Variants in ABHD16B observed in about 807,000 individuals in gnomAD.
The protein encoded by ABHD16B is abhydrolase domain-containing protein 16B.
ABHD16B carries 14 observed loss-of-function variants against 10.5 expected under a neutral mutation model. The ratio of observed to expected loss-of-function variants is 1.33; its 90% CI spans 0.88 to 2.08. The LOEUF (loss-of-function observed/expected upper bound fraction) is 2.08. ABHD16B is among the 30% of genes most tolerant of loss of function. ABHD16B has a pLI of 0.00. For missense variants in ABHD16B, 763 were observed against 717.4 expected (o/e 1.06, Z -0.73); for synonymous variants, 374 against 337.9 (o/e 1.11, Z -1.17).
chr20:63,862,413 G>A lies in ABHD16B; in HGVS notation c.873G>A (p.Val291=), dbSNP rs780495844. 2 of 1,592,700 alleles carry A rather than the reference G, an allele frequency of 1.3e-6. No homozygotes were observed. Among genetic ancestry groups the A allele is most frequent in the East Asian group, 2.3e-5 (1 of 43,822 alleles). ...KVMPHSWKGL[V]VRTVREHFNL... Reference sequence around the variant, plus strand: ...TGCCCCACAGTTGGAAGGGGCTGGTGGTGCGCACCGTGCGCGAGCACTTCA... The same window carrying A: ...TGCCCCACAGTTGGAAGGGGCTGGTAGTGCGCACCGTGCGCGAGCACTTCA... Residue 291 remains valine (V), a synonymous_variant, in exon 1 of 1, where the codon GTG becomes GTA. Transcript: ENST00000369916. This position sits in a 1 kb window ranked among gnomAD's most constrained non-coding sequence, Gnocchi z 7.5.
chr20:63,862,697 G>A lies in ABHD16B; in HGVS notation c.1157G>A (p.Arg386His), dbSNP rs745412875. 3 of 1,533,702 alleles carry A rather than the reference G, an allele frequency of 2.0e-6. No homozygotes were observed. Among genetic ancestry groups the A allele is most frequent in the East Asian group, 2.5e-5 (1 of 40,786 alleles). The stretch of plus-strand genomic sequence containing the variant: ...GCGCAGGAGGCCGCCTTCTATGCAC[G>A]CTACCGCGTGGACGAGGACTGGTGC... ...SLAQEAAFYA[R>H]YRVDEDWCLA... Residue 386 changes from arginine to histidine, a missense_variant, in exon 1 of 1, where the codon CGC (arginine) becomes CAC (histidine). Physicochemically the swap from Arg to His is conservative, Grantham distance 29. Coordinates refer to ENST00000369916, the MANE Select transcript of ABHD16B (RefSeq NM_080622.4). This position sits in a 1 kb window ranked among gnomAD's most constrained non-coding sequence, Gnocchi z 7.5.
rs2052106164 is a variant in ABHD16B at position 63,862,850 on chromosome 20, G to A, written c.1310G>A (p.Arg437His). The change falls in exon 1 of 1, where the codon CGC (arginine) becomes CAC (histidine). Residue 437 changes from arginine (R) to histidine (H), a missense_variant. Coordinates refer to ENST00000369916, the MANE Select transcript of ABHD16B (RefSeq NM_080622.4). This position sits in a 1 kb window ranked among gnomAD's most constrained non-coding sequence, Gnocchi z 7.5. The stretch of plus-strand genomic sequence containing the variant: ...GGCCTGAGCTCGCGGCGGCGCCGGC[G>A]CCTCGCACTGTTCCTGGCTCGGAAG... ...GQGLSSRRRR[R>H]LALFLARKHL... The A allele has an allele frequency of 6.5e-7, 1 of 1,536,392 alleles. No individual in the cohort carries two copies. Among genetic ancestry groups the A allele is most frequent in the Non-Finnish European group, 8.7e-7 (1 of 1,145,610 alleles).
Position 63,861,752 on chromosome 20 carries a change from C to T in ABHD16B, c.212C>T (p.Ala71Val), listed in dbSNP as rs1471610173. 3.5e-6 allele frequency: 5 copies of T among 1,411,946 alleles called. No individual in the cohort carries two copies. The highest frequency in any genetic ancestry group is 6.0e-5 in the East Asian group (2 of 33,478). The allele number at this position is 1,411,946 out of a possible 1,614,324, so 87.5% of individuals were successfully genotyped here. The change falls in exon 1 of 1, where the codon GCG becomes GTG. Residue 71 changes from alanine to valine, a missense_variant. Ala to Val is a moderately conservative substitution (Grantham distance 64). Coordinates refer to ENST00000369916, the MANE Select transcript of ABHD16B (RefSeq NM_080622.4). This position sits in a 1 kb window ranked among gnomAD's most constrained non-coding sequence, Gnocchi z 5.4. ...CGGGACGAGACGCTGGGCGGGGATGCGCTGGGGCGGCCTCCACGTGGGGCG... is the reference window on the plus strand; with the variant it reads ...CGGGACGAGACGCTGGGCGGGGATGTGCTGGGGCGGCCTCCACGTGGGGCG... ...LLRDETLGGD[A>V]LGRPPRGARS...
Position 63,861,598 on chromosome 20 carries a change from G to A in ABHD16B, c.58G>A (p.Ala20Thr). 6.4e-7 allele frequency: 1 copy of A among 1,560,050 alleles called. No individual in the cohort carries two copies. Among genetic ancestry groups the A allele is most frequent in the Non-Finnish European group, 8.7e-7 (1 of 1,154,718 alleles). Residue 20 changes from alanine (A) to threonine (T), a missense_variant, in exon 1 of 1, where the codon GCC becomes ACC. Physicochemically the swap from Ala to Thr is moderately conservative, Grantham distance 58. Transcript: ENST00000369916. This position sits in a 1 kb window ranked among gnomAD's most constrained non-coding sequence, Gnocchi z 5.4. ...LVRVFKIYLT[A>T]SYTYPFRGWP... ...GCGCGTGTTCAAGATCTACCTGACC[G>A]CCAGCTACACCTACCCATTCCGCGG... is the stretch of plus-strand genomic sequence containing the variant.
chr20:63,862,119 C>G lies in ABHD16B; in HGVS notation c.579C>G (p.Leu193=), dbSNP rs1600760359. Residue 193 remains leucine (L), a synonymous_variant, in exon 1 of 1, where the codon CTC becomes CTG. Transcript: ENST00000369916. The surrounding 1 kb of genome is among the most constrained non-coding windows in gnomAD (Gnocchi z 7.5). ...FYEMGCLSAP[L]EAGYSVLGWN... ...AGATGGGCTGTCTGTCTGCACCGCT[C>G]GAGGCCGGCTACTCCGTGCTGGGCT... The G allele has an allele frequency of 6.2e-7, 1 of 1,611,828 alleles. No homozygotes were observed. The highest frequency in any genetic ancestry group is 8.5e-7 in the Non-Finnish European group (1 of 1,179,676).
Position 63,862,631 on chromosome 20 carries a change from G to GC in ABHD16B, c.1093dup (p.Arg365ProfsTer97), listed in dbSNP as rs1308165343. The GC allele has an allele frequency of 6.5e-7, 1 of 1,541,400 alleles. No individual in the cohort carries two copies. The highest frequency in any genetic ancestry group is 2.4e-5 in the East Asian group (1 of 41,326). ...TACCCCGTCGTGATGGCGCGAGAGG[G>GC]CCGCGCCGTCGTCACCCGCTGGCTG... On this transcript the variant is annotated frameshift_variant, in exon 1 of 1. Transcript: ENST00000369916. LOFTEE classifies it low-confidence loss of function (END_TRUNC). The surrounding 1 kb of genome is among the most constrained non-coding windows in gnomAD (Gnocchi z 7.5).
chr20:63,862,254 C>A lies in ABHD16B; in HGVS notation c.714C>A (p.Pro238=). 1 of 1,612,010 alleles carries A rather than the reference C, an allele frequency of 6.2e-7. No homozygotes were observed. Among genetic ancestry groups the A allele is most frequent in the Non-Finnish European group, 8.5e-7 (1 of 1,179,700 alleles). Residue 238 remains proline, a synonymous_variant, in exon 1 of 1, where the codon CCC becomes CCA. Coordinates refer to ENST00000369916, the MANE Select transcript of ABHD16B (RefSeq NM_080622.4). The surrounding 1 kb of genome is among the most constrained non-coding windows in gnomAD (Gnocchi z 7.5). ...EYALHRLHFP[P]AHLVVYGWSV... is the part of the protein sequence containing the mutation. Reference sequence around the variant, plus strand: ...CACTGCACCGCCTGCACTTCCCGCCCGCGCACCTGGTGGTCTACGGCTGGT... The same window carrying A: ...CACTGCACCGCCTGCACTTCCCGCCAGCGCACCTGGTGGTCTACGGCTGGT...
At position 63,861,755 on chromosome 20, in the gene ABHD16B, TG is replaced by T. The variant is rs2146146593; in HGVS notation, c.219del (p.Arg74GlyfsTer45). ...GACGAGACGCTGGGCGGGGATGCGC[TG>T]GGGCGGCCTCCACGTGGGGCGCGCA... Reference protein sequence around the residue: ...LRDETLGGDALGRPPRGARSQ... With the variant: ...LRDETLGGDAXGRPPRGARSQ... On this transcript the variant is annotated frameshift_variant, in exon 1 of 1. Transcript: ENST00000369916. LOFTEE classifies it high-confidence loss of function. This position sits in a 1 kb window ranked among gnomAD's most constrained non-coding sequence, Gnocchi z 5.4. 7.1e-7 allele frequency: 1 copy of T among 1,411,846 alleles called. No individual in the cohort carries two copies. Among genetic ancestry groups the T allele is most frequent in the East Asian group, 3.0e-5 (1 of 33,500 alleles). 87.5% of individuals were successfully genotyped at this position (1,411,846 alleles called of 1,614,324 possible).
In ABHD16B at chr20:63,862,833, C is replaced by T; in HGVS notation, c.1293C>T (p.Ser431=). 6.5e-7 allele frequency: 1 copy of T among 1,535,156 alleles called. No homozygotes were observed. Among genetic ancestry groups the T allele is most frequent in the Non-Finnish European group, 8.7e-7 (1 of 1,145,372 alleles). Residue 431 remains serine (S), a synonymous_variant, in exon 1 of 1, where the codon AGC becomes AGT. Coordinates refer to ENST00000369916, the MANE Select transcript of ABHD16B (RefSeq NM_080622.4). This position sits in a 1 kb window ranked among gnomAD's most constrained non-coding sequence, Gnocchi z 7.5. ...AFPWLVGQGL[S]SRRRRRLALF... ...CATGGCTGGTGGGCCAGGGCCTGAG[C>T]TCGCGGCGGCGCCGGCGCCTCGCAC...
chr20:63,861,967 G>A lies in ABHD16B; in HGVS notation c.427G>A (p.Ala143Thr), dbSNP rs767559594. 2 of 1,599,344 alleles carry A rather than the reference G, an allele frequency of 1.3e-6. No individual in the cohort carries two copies. Among genetic ancestry groups the A allele is most frequent in the Non-Finnish European group, 1.7e-6 (2 of 1,178,596 alleles). The change falls in exon 1 of 1, where the codon GCC becomes ACC. Residue 143 changes from alanine to threonine, a missense_variant. Coordinates refer to ENST00000369916, the MANE Select transcript of ABHD16B (RefSeq NM_080622.4). This position sits in a 1 kb window ranked among gnomAD's most constrained non-coding sequence, Gnocchi z 5.4. ...RLVERYHGRR[A>T]KLVACDGNEI... ...CGTGGAGCGCTACCACGGCCGGCGC[G>A]CCAAGCTGGTGGCCTGTGACGGCAA...
rs777890914 is a variant in ABHD16B at position 63,862,153 on chromosome 20, C to A, written c.613C>A (p.Pro205Thr). The change falls in exon 1 of 1, where the codon CCC becomes ACC. Residue 205 changes from proline (P) to threonine (T), a missense_variant. Transcript: ENST00000369916. The surrounding 1 kb of genome is among the most constrained non-coding windows in gnomAD (Gnocchi z 7.5). ...CTACTCCGTGCTGGGCTGGAACCAC[C>A]CCGGCTTCGGCAGCAGCACTGGCGT... The part of the protein sequence containing the change: ...AGYSVLGWNH[P>T]GFGSSTGVPF... The A allele has an allele frequency of 1.2e-6, 2 of 1,611,516 alleles. No individual in the cohort carries two copies. Among genetic ancestry groups the A allele is most frequent in the Non-Finnish European group, 8.5e-7 (1 of 1,179,636 alleles).
chr20:63,862,353 C>A lies in ABHD16B; in HGVS notation c.813C>A (p.Thr271=). The part of the protein sequence containing the change: ...PELGALVLDA[T]FDDLVPLALK... ...TGGGTGCACTGGTGCTGGACGCCAC[C>A]TTCGACGACCTTGTGCCGCTGGCGC... The change falls in exon 1 of 1, where the codon ACC becomes ACA. Residue 271 remains threonine (T), a synonymous_variant. Transcript: ENST00000369916. The surrounding 1 kb of genome is among the most constrained non-coding windows in gnomAD (Gnocchi z 7.5). 3.1e-6 allele frequency: 5 copies of A among 1,611,840 alleles called. No homozygotes were observed. Among genetic ancestry groups the A allele is most frequent in the Non-Finnish European group, 3.4e-6 (4 of 1,179,548 alleles).
rs1600760420 is a variant in ABHD16B at position 63,862,163 on chromosome 20, G to A, written c.623G>A (p.Gly208Asp). 2 of 1,611,318 alleles carry A rather than the reference G, an allele frequency of 1.2e-6. No individual in the cohort carries two copies. The highest frequency in any genetic ancestry group is 1.1e-5 in the South Asian group (1 of 91,012). Residue 208 changes from glycine (G) to aspartate (D), a missense_variant, in exon 1 of 1, where the codon GGC becomes GAC. Coordinates refer to ENST00000369916, the MANE Select transcript of ABHD16B (RefSeq NM_080622.4). The surrounding 1 kb of genome is among the most constrained non-coding windows in gnomAD (Gnocchi z 7.5). Reference sequence around the variant, plus strand: ...CTGGGCTGGAACCACCCCGGCTTCGGCAGCAGCACTGGCGTGCCCTTCCCT... The same window carrying A: ...CTGGGCTGGAACCACCCCGGCTTCGACAGCAGCACTGGCGTGCCCTTCCCT... ...SVLGWNHPGF[G>D]SSTGVPFPQH...
chr20:63,862,854 C>T lies in ABHD16B; in HGVS notation c.1314C>T (p.Leu438=), dbSNP rs1407301772. The T allele has an allele frequency of 1.3e-6, 2 of 1,537,826 alleles. No homozygotes were observed. Among genetic ancestry groups the T allele is most frequent in the Non-Finnish European group, 1.7e-6 (2 of 1,146,228 alleles). Residue 438 remains leucine (L), a synonymous_variant, in exon 1 of 1, where the codon CTC becomes CTT. Transcript: ENST00000369916. The surrounding 1 kb of genome is among the most constrained non-coding windows in gnomAD (Gnocchi z 7.5). ...TGAGCTCGCGGCGGCGCCGGCGCCT[C>T]GCACTGTTCCTGGCTCGGAAGCACC... is the stretch of plus-strand genomic sequence containing the variant. ...QGLSSRRRRR[L]ALFLARKHLK... is the part of the protein sequence containing the mutation.
chr20:63,862,276 T>G lies in ABHD16B; in HGVS notation c.736T>G (p.Trp246Gly). ...FPPAHLVVYG[W>G]SVGGFTATWA... ...GCCCGCGCACCTGGTGGTCTACGGCTGGTCTGTTGGCGGCTTCACGGCCAC... is the reference window on the plus strand; with the variant it reads ...GCCCGCGCACCTGGTGGTCTACGGCGGGTCTGTTGGCGGCTTCACGGCCAC... The change falls in exon 1 of 1, where the codon TGG becomes GGG. Residue 246 changes from tryptophan (W) to glycine (G), a missense_variant. By Grantham distance (184) the Trp-to-Gly change is radical (BLOSUM62 -2). Coordinates refer to ENST00000369916, the MANE Select transcript of ABHD16B (RefSeq NM_080622.4). This position sits in a 1 kb window ranked among gnomAD's most constrained non-coding sequence, Gnocchi z 7.5. The G allele has an allele frequency of 6.2e-7, 1 of 1,611,762 alleles. No individual in the cohort carries two copies.
Position 63,861,560 on chromosome 20 carries a change from T to G in ABHD16B, c.20T>G (p.Val7Gly), listed in dbSNP as rs900328743. ...CCGCTCATGTGCGTCATCTGCTTCG[T>G]GAAGGCGCTGGTGCGCGTGTTCAAG... is the stretch of plus-strand genomic sequence containing the variant. Reference protein sequence around the residue: MCVICFVKALVRVFKIY... With the variant: MCVICFGKALVRVFKIY... The change falls in exon 1 of 1, where the codon GTG (valine) becomes GGG (glycine). Residue 7 changes from valine (V) to glycine (G), a missense_variant. By Grantham distance (109) the Val-to-Gly change is moderately radical (BLOSUM62 -3). Transcript: ENST00000369916. This position sits in a 1 kb window ranked among gnomAD's most constrained non-coding sequence, Gnocchi z 5.4. The G allele has an allele frequency of 3.9e-6, 6 of 1,556,516 alleles. No individual in the cohort carries two copies. The Admixed American group carries it at 1.1e-4, about 29-fold the overall frequency.
rs765124107 is a variant in ABHD16B, at chr20:63,862,603, C to T, written c.1063C>T (p.Arg355Cys). Residue 355 changes from arginine to cysteine, a missense_variant, in exon 1 of 1, where the codon CGC (arginine) becomes TGC (cysteine). Coordinates refer to ENST00000369916, the MANE Select transcript of ABHD16B (RefSeq NM_080622.4). This position sits in a 1 kb window ranked among gnomAD's most constrained non-coding sequence, Gnocchi z 7.5. ...NELLLRLLEH[R>C]YPVVMAREGR... The stretch of plus-strand genomic sequence containing the variant: ...GCTGCTGCTGCGCCTGCTGGAGCAC[C>T]GCTACCCCGTCGTGATGGCGCGAGA... 2.1e-5 allele frequency: 32 copies of T among 1,555,856 alleles called. No homozygotes were observed. The highest frequency in any genetic ancestry group is 2.5e-5 in the Non-Finnish European group (29 of 1,156,064).
Position 63,862,847 on chromosome 20 carries a change from G to C in ABHD16B, c.1307G>C (p.Arg436Pro). The change falls in exon 1 of 1, where the codon CGG (arginine) becomes CCG (proline). Residue 436 changes from arginine (R) to proline (P), a missense_variant. Arg to Pro is a moderately radical substitution (Grantham distance 103, BLOSUM62 -2). Transcript: ENST00000369916. This position sits in a 1 kb window ranked among gnomAD's most constrained non-coding sequence, Gnocchi z 7.5. ...CAGGGCCTGAGCTCGCGGCGGCGCC[G>C]GCGCCTCGCACTGTTCCTGGCTCGG... ...VGQGLSSRRR[R>P]RLALFLARKH... The C allele has an allele frequency of 6.5e-7, 1 of 1,535,978 alleles. No homozygotes were observed. Among genetic ancestry groups the C allele is most frequent in the Non-Finnish European group, 8.7e-7 (1 of 1,145,548 alleles).
At position 63,861,883 on chromosome 20, in the gene ABHD16B, T is replaced by C; in HGVS notation, c.343T>C (p.Ser115Pro). The C allele has an allele frequency of 6.4e-7, 1 of 1,569,468 alleles. No individual in the cohort carries two copies. Among genetic ancestry groups the C allele is most frequent in the Non-Finnish European group, 8.6e-7 (1 of 1,161,586 alleles). The change falls in exon 1 of 1, where the codon TCC becomes CCC. Residue 115 changes from serine to proline, a missense_variant. Coordinates refer to ENST00000369916, the MANE Select transcript of ABHD16B (RefSeq NM_080622.4). The surrounding 1 kb of genome is among the most constrained non-coding windows in gnomAD (Gnocchi z 5.4). ...SLGRWLVYPG[S>P]VSLMTRALLP... is the part of the protein sequence containing the mutation. ...GGGCCGCTGGCTCGTGTACCCCGGC[T>C]CCGTGTCCCTGATGACGCGCGCGCT...
Sources: allele counts gnomAD v4.1 joint callset, GRCh38; gene constraint gnomAD v4.1.1; non-coding constraint Gnocchi (gnomAD v3.1); transcripts MANE v1.5; gene names NCBI Gene and HGNC (gene_info 2026-07-23, HGNC 2026-07-21).